Variants in IQSEC1 observed in about 807,000 individuals in gnomAD.
The protein encoded by IQSEC1 is IQ motif and Sec7 domain ArfGEF 1.
In IQSEC1, 31 loss-of-function variants were observed where a neutral mutation model predicts 91.0. The ratio of observed to expected loss-of-function variants is 0.34; its 90% CI spans 0.26 to 0.46. The LOEUF (loss-of-function observed/expected upper bound fraction) is 0.46. Ranked by LOEUF, IQSEC1 falls within the 20% of genes least tolerant of loss-of-function variation. IQSEC1 has a pLI of 1.00. For missense variants in IQSEC1, 1,388 were observed against 1,575.6 expected (o/e 0.88, Z 2.02); for synonymous variants, 699 against 662.6 (o/e 1.05, Z -0.84).
intron 2 of IQSEC1, among the ~76,000 whole-genome samples, chr3:12,937,393 A>G (rs1698298126): frequency 1.3e-5 from 2 of 152,220 alleles, no homozygotes; most frequent in African/African-American, 2.4e-5. Context: ...TAGGCTAAAG[A>G]TCCCAGCAAG....
intron 1 of IQSEC1, among the ~76,000 whole-genome samples, chr3:13,224,646 C>T (rs1158344295): frequency 6.6e-6 from 1 of 152,182 alleles, no homozygotes; most frequent in African/African-American, 2.4e-5. Context: ...CCTAGGCCAC[C>T]GCCCACCAAG....
chr3:13,055,259 T>C (rs913641918), intron 1 of IQSEC1, among the ~76,000 whole-genome samples: 3 of 152,226 alleles, frequency 2.0e-5, no homozygotes, highest in African/African-American at 4.8e-5. Context: ...GAGGTCTTCC[T>C]GGACAGAGAG....
chr3:13,022,322 G>C, intron 1 of IQSEC1: 1 of 1,200,726 alleles, frequency 8.3e-7, no homozygotes, highest in Non-Finnish European at 1.0e-6. Flanking sequence ...ACTATCCACC[G>C]GCCAGCCTCT....
intron 1 of IQSEC1, among the ~76,000 whole-genome samples, chr3:12,996,947 G>A (rs1702248399): frequency 6.6e-6 from 1 of 152,232 alleles, no homozygotes; most frequent in African/African-American, 2.4e-5. Context: ...ATGCTGTAGG[G>A]TGAGGTGCCA....
At chr3:13,273,243 C>G (rs1695617757) in intron 1 of IQSEC1, among the ~76,000 whole-genome samples, 1 of 152,110 alleles carries the variant, frequency 6.6e-6, no homozygotes, top group Non-Finnish European at 1.5e-5. Flanking sequence ...CCGTGCTGCC[C>G]AAATACTCCA....
chr3:13,170,254 C>T (rs1210317499), intron 1 of IQSEC1, among the ~76,000 whole-genome samples: 2 of 152,246 alleles, frequency 1.3e-5, no homozygotes, highest in African/African-American at 4.8e-5. Flanking sequence ...GGCATTGAGC[C>T]TGAGGGTACA....
intron 2 of IQSEC1, among the ~76,000 whole-genome samples, chr3:13,129,461 T>C (rs1020200737): frequency 2.6e-5 from 4 of 152,198 alleles, no homozygotes; most frequent in Non-Finnish European, 5.9e-5. Context: ...GGTATGGTTT[T>C]TCTGTTTTTC....
At chr3:13,033,964 G>A (rs1337538386) in intron 1 of IQSEC1, among the ~76,000 whole-genome samples, 3 of 152,270 alleles carry the variant, frequency 2.0e-5, no homozygotes, top group East Asian at 1.9e-4. Context: ...CGGTGTTCCC[G>A]CTGTTGGTGG....
rs573065642 is a variant in IQSEC1, at chr3:13,046,968, T to A, written c.23+26024A>T. Among the ~76,000 whole-genome samples the A allele has an allele frequency of 3.9e-5, 6 of 152,326 alleles. No individual in the cohort carries two copies. In the East Asian group the frequency reaches 1.2e-3, roughly 29 times the overall value. ...GCAGTCTCCAGTATTTTTTTGTGTG[T>A]GTGAAAACAGAAAATGCTCTTTTTG... On this transcript the variant is annotated intron_variant, in intron 1 of 13. Transcript: ENST00000613206.
intron 2 of IQSEC1, among the ~76,000 whole-genome samples, chr3:13,120,447 C>T (rs1034692713): frequency 3.3e-5 from 5 of 152,172 alleles, no homozygotes; most frequent in Admixed American, 2.6e-4. Context: ...CTCTGCTGCC[C>T]GCAAGCTGTG....
At chr3:13,204,600 C>T (rs1180880252) in intron 1 of IQSEC1, among the ~76,000 whole-genome samples, 1 of 152,124 alleles carries the variant, frequency 6.6e-6, no homozygotes, top group Admixed American at 6.5e-5. Flanking sequence ...TCCGGAGCTT[C>T]GGGGAGATCG....
rs146866944 is a variant in IQSEC1 at position 13,277,644 on chromosome 3, C to T, written c.272+5067G>A. 9.3e-3 allele frequency among the ~76,000 whole-genome samples: 1,414 copies of T among 152,304 alleles called. 10 individuals are homozygous for T. Among genetic ancestry groups the T allele is most frequent in the Non-Finnish European group, 0.013 (911 of 68,034 alleles). On this transcript the variant is annotated intron_variant, in intron 1 of 15. Transcript: ENST00000648114. ...AAGTCTCCCAGAGCATGCTGCAGCT[C>T]GTTCCTGACTTGGGGACTTCCTCCC...
At chr3:13,025,812 A>G (rs929437434) in intron 1 of IQSEC1, among the ~76,000 whole-genome samples, 4 of 152,074 alleles carry the variant, frequency 2.6e-5, no homozygotes. Context: ...CCACTCTCCC[A>G]TGCTGACCGT....
intron 1 of IQSEC1, among the ~76,000 whole-genome samples, chr3:13,071,611 G>A (rs1438068622): frequency 6.6e-6 from 1 of 152,228 alleles, no homozygotes; most frequent in Non-Finnish European, 1.5e-5. Context: ...TTGCCACAGG[G>A]AGTGAGAACT....
intron 6 of IQSEC1, among the ~76,000 whole-genome samples, chr3:12,916,869 G>A (rs1046841343): frequency 5.9e-5 from 9 of 152,110 alleles, no homozygotes; most frequent in African/African-American, 2.2e-4. Flanking sequence ...GTTTCTCTTA[G>A]ATTTAGTAAG....
At chr3:12,956,567 T>A (rs1297363236) in intron 1 of IQSEC1, among the ~76,000 whole-genome samples, 4 of 152,100 alleles carry the variant, frequency 2.6e-5, no homozygotes, top group African/African-American at 7.2e-5. Context: ...TTTCCTAGGG[T>A]TAGAATATAA....
intron 1 of IQSEC1, among the ~76,000 whole-genome samples, chr3:13,233,351 G>T (rs1464604842): frequency 1.3e-5 from 2 of 152,178 alleles, no homozygotes; most frequent in African/African-American, 4.8e-5. Flanking sequence ...CCTCCATCCT[G>T]AGGGGTCTGC....
Position 13,193,189 on chromosome 3 carries a change from G to A in IQSEC1, c.273-29056C>T, listed in dbSNP as rs537664270. ...ACACACAGAGCCTGCCCCATTCCCC[G>A]GACTCTCATGGGCATCTCTGCTCCC... is the stretch of plus-strand genomic sequence containing the variant. On this transcript the variant is annotated intron_variant, in intron 1 of 15. Transcript: ENST00000648114. The surrounding 1 kb of genome is among the most constrained non-coding windows in gnomAD (Gnocchi z 4.2). Among the ~76,000 whole-genome samples, 3 of 152,258 alleles carry A rather than the reference G, an allele frequency of 2.0e-5. No individual in the cohort carries two copies. Among genetic ancestry groups the A allele is most frequent in the East Asian group, 1.9e-4 (1 of 5,186 alleles).
intron 1 of IQSEC1, among the ~76,000 whole-genome samples, chr3:13,219,572 C>T (rs1051553365): frequency 3.3e-5 from 5 of 152,262 alleles, no homozygotes; most frequent in Non-Finnish European, 1.5e-5. Context: ...CAACACCCAC[C>T]CGGCGGTCTT....
Sources: gnomAD v4.1 joint callset for allele counts (sites outside exome capture counted in the v4.1 genomes callset) on GRCh38, gnomAD v4.1.1 for gene constraint, Gnocchi (gnomAD v3.1) non-coding constraint, MANE v1.5 for transcripts, NCBI Gene and HGNC (gene_info 2026-07-23, HGNC 2026-07-21) for gene names.